The following KANK4 variants were observed in gnomAD, a reference collection of about 807,000 sequenced individuals.
The protein encoded by KANK4 is KN motif and ankyrin repeat domain-containing protein 4.
A neutral mutation model predicts 80.8 loss-of-function variants in KANK4; 50 were observed. That is an observed-to-expected ratio of 0.62 (90% CI 0.49 to 0.78). The LOEUF (loss-of-function observed/expected upper bound fraction) is 0.78. Among genes scored for constraint, KANK4 ranks in the 30% least tolerant of loss-of-function variants. The pLI, the probability that KANK4 is intolerant of heterozygous loss-of-function variation, is 0.00. For synonymous variants in KANK4, 465 were observed against 506.9 expected (o/e 0.92, Z 1.11); for missense variants, 1,196 against 1,240.1 (o/e 0.96, Z 0.53).
intron 9 of KANK4, among the ~76,000 whole-genome samples, chr1:62,247,067 T>G (rs1671483337): frequency 6.7e-6 from 1 of 148,952 alleles, no homozygotes; most frequent in East Asian, 2.1e-4. Flanking sequence ...GGCTATTTTT[T>G]TTTTTAAGAG....
intron 1 of KANK4, among the ~76,000 whole-genome samples, chr1:62,293,379 G>A (rs997310680): frequency 1.3e-5 from 2 of 152,052 alleles, no homozygotes; most frequent in African/African-American, 2.4e-5. Flanking sequence ...ACAGGTGTGA[G>A]CCACCATGCC....
At chr1:62,287,383 A>G (rs1672593242) in intron 1 of KANK4, among the ~76,000 whole-genome samples, 1 of 152,204 alleles carries the variant, frequency 6.6e-6, no homozygotes, top group East Asian at 1.9e-4. Context: ...AGTAAGACAC[A>G]TCACATGTAG....
chr1:62,257,385 G>A (rs750015370), intron 7 of KANK4, among the ~76,000 whole-genome samples: 19 of 152,164 alleles, frequency 1.2e-4, no homozygotes, highest in Non-Finnish European at 2.5e-4. Context: ...ACTGCATCCT[G>A]CCAGGACCCA....
chr1:62,274,403 G>A lies in KANK4; in HGVS notation c.701C>T (p.Pro234Leu). ...IPELVQEGAE[P>L]PEGVVKVPNH... Reference sequence around the variant, plus strand: ...TGGAACCTTCACCACACCCTCTGGAGGCTCAGCTCCCTCCTGGACCAGCTC... The same window carrying A: ...TGGAACCTTCACCACACCCTCTGGAAGCTCAGCTCCCTCCTGGACCAGCTC... Residue 234 changes from proline (P) to leucine (L), a missense_variant, in exon 3 of 10, where the codon CCT becomes CTT. Transcript: ENST00000371153. 1 of 1,614,210 alleles carries A rather than the reference G, an allele frequency of 6.2e-7. No homozygotes were observed. Among genetic ancestry groups the A allele is most frequent in the Middle Eastern group, 1.6e-4 (1 of 6,062 alleles).
At chr1:62,238,610 G>A (rs973588921) in intron 9 of KANK4, among the ~76,000 whole-genome samples, 5 of 151,774 alleles carry the variant, frequency 3.3e-5, no homozygotes, top group Non-Finnish European at 7.4e-5. Flanking sequence ...AAATAAAGAA[G>A]GGCCATCTAG....
intron 1 of KANK4, among the ~76,000 whole-genome samples, chr1:62,317,263 C>T (rs564260342): frequency 6.6e-6 from 1 of 152,306 alleles, no homozygotes; most frequent in East Asian, 1.9e-4. Flanking sequence ...GCCACCACTC[C>T]TAGCACAAAT....
At chr1:62,313,892 A>T (rs866875379) in intron 1 of KANK4, among the ~76,000 whole-genome samples, 1 of 152,116 alleles carries the variant, frequency 6.6e-6, no homozygotes, top group South Asian at 2.1e-4. Flanking sequence ...AAATTTAAAC[A>T]TTGATAAAAT....
At chr1:62,291,617 T>C (rs927914195) in intron 1 of KANK4, among the ~76,000 whole-genome samples, 1 of 152,096 alleles carries the variant, frequency 6.6e-6, no homozygotes, top group Non-Finnish European at 1.5e-5. Flanking sequence ...ATTTTTTTTT[T>C]TGGTTATTGA....
intron 9 of KANK4, among the ~76,000 whole-genome samples, chr1:62,241,244 C>T (rs750567211): frequency 1.3e-5 from 2 of 152,046 alleles, no homozygotes; most frequent in South Asian, 2.1e-4. Flanking sequence ...CTATAAAGCA[C>T]GGCAAAGCAC....
intron 1 of KANK4, among the ~76,000 whole-genome samples, chr1:62,309,987 A>C (rs1309663429): frequency 2.0e-5 from 3 of 152,230 alleles, no homozygotes; most frequent in African/African-American, 4.8e-5. Context: ...CAGTCGGCAA[A>C]GCCAAGGGAC....
In KANK4 at chr1:62,271,529, G is replaced by T; in HGVS notation, c.1961C>A (p.Ala654Glu). The T allele has an allele frequency of 6.2e-7, 1 of 1,614,120 alleles. No homozygotes were observed. Among genetic ancestry groups the T allele is most frequent in the Non-Finnish European group, 8.5e-7 (1 of 1,179,972 alleles). The change falls in exon 4 of 10, where the codon GCA becomes GAA. Residue 654 changes from alanine (A) to glutamate (E), a missense_variant. By Grantham distance (107) the Ala-to-Glu change is moderately radical (BLOSUM62 -1). This residue lies in a region of KANK4 where 1,154 missense variants were observed against 1,179.6 expected (regional missense o/e 0.98). Coordinates refer to ENST00000371153, the MANE Select transcript of KANK4 (RefSeq NM_181712.5). Reference protein sequence around the residue: ...IMKKKDYGFRAGGNGTKKNLQ... With the variant: ...IMKKKDYGFREGGNGTKKNLQ... ...GTTCTTTTTGGTCCCATTACCTCCT[G>T]CACGGAAGCCATAGTCTTTCTTTTT... is the stretch of plus-strand genomic sequence containing the variant.
Position 62,263,331 on chromosome 1 carries a change from C to T in KANK4, c.2320-20G>A. The stretch of plus-strand genomic sequence containing the variant: ...TTGCCTCTGAAACCCCAAAAAAGAC[C>T]AATTCCAAGAGGTTCCCCGGCCAGC... On this transcript the variant is annotated intron_variant, in intron 6 of 9. Transcript: ENST00000371153. 1 of 1,603,530 alleles carries T rather than the reference C, an allele frequency of 6.2e-7. No homozygotes were observed. Among genetic ancestry groups the T allele is most frequent in the Non-Finnish European group, 8.5e-7 (1 of 1,173,016 alleles).
chr1:62,302,148 T>C (rs1215613262), intron 1 of KANK4, among the ~76,000 whole-genome samples: 1 of 151,802 alleles, frequency 6.6e-6, no homozygotes, highest in Non-Finnish European at 1.5e-5. Flanking sequence ...ACGTCAAGGG[T>C]TGACAAGATG....
Position 62,247,327 on chromosome 1 carries a change from TG to T in KANK4, c.2883+144del, listed in dbSNP as rs111297754. The T allele has an allele frequency of 0.42, 255,482 of 611,920 alleles. 55,593 individuals are homozygous for T. Among genetic ancestry groups the T allele is most frequent in the Non-Finnish European group, 0.45 (157,135 of 352,154 alleles). 37.9% of individuals were successfully genotyped at this position (611,920 alleles called of 1,614,324 possible). A position where few individuals can be genotyped will look rare whatever the true frequency, so the allele number is the denominator to read the frequency against. On this transcript the variant is annotated intron_variant, in intron 9 of 9. Coordinates refer to ENST00000371153, the MANE Select transcript of KANK4 (RefSeq NM_181712.5). ...TACTTTTTTTTTTTTTTTTAAGAGA[TG>T]GGGGTCTCCCTATGTTGCCTAGGCT...
rs944920025 is a variant in KANK4 at position 62,286,759 on chromosome 1, C to T, written c.-70-5125G>A. Among the ~76,000 whole-genome samples the T allele has an allele frequency of 3.3e-5, 5 of 152,130 alleles. No homozygotes were observed. In the South Asian group the frequency reaches 6.2e-4, roughly 19 times the overall value. ...GCTTTAGAAACATCCTTCCCTACCC[C>T]CTCCTGGGGCCCCAGGACCACATGA... is the stretch of plus-strand genomic sequence containing the variant. On this transcript the variant is annotated intron_variant, in intron 1 of 9. Transcript: ENST00000371153.
chr1:62,269,849 G>T (rs891202525), intron 4 of KANK4, among the ~76,000 whole-genome samples: 5 of 152,218 alleles, frequency 3.3e-5, no homozygotes, highest in South Asian at 2.1e-4. Flanking sequence ...TAGAGCAGAA[G>T]TTCCTAACCT....
chr1:62,253,513 A>T (rs1312291990), intron 7 of KANK4, among the ~76,000 whole-genome samples: 1 of 147,472 alleles, frequency 6.8e-6, no homozygotes, highest in Non-Finnish European at 1.5e-5. Flanking sequence ...AGGTTCAAGC[A>T]ATTCTGCTGC....
chr1:62,293,696 C>T (rs910723546), intron 1 of KANK4, among the ~76,000 whole-genome samples: 2 of 152,204 alleles, frequency 1.3e-5, no homozygotes, highest in Admixed American at 6.5e-5. Context: ...AACAATACAG[C>T]GAAACTCCTG....
chr1:62,308,332 G>T (rs570028031), intron 1 of KANK4, among the ~76,000 whole-genome samples: 1 of 152,136 alleles, frequency 6.6e-6, no homozygotes, highest in African/African-American at 2.4e-5. Flanking sequence ...TGCCCAGGGC[G>T]GCTGCCTGGC....
Sources: gnomAD v4.1 joint callset for allele counts (sites outside exome capture counted in the v4.1 genomes callset) on GRCh38, gnomAD v4.1.1 for gene constraint, gnomAD v4.1.1 regional missense constraint, MANE v1.5 for transcripts, NCBI Gene and HGNC (gene_info 2026-07-23, HGNC 2026-07-21) for gene names.